LCP1: variants seen among roughly 807,000 people sequenced by gnomAD.
The protein encoded by LCP1 is lymphocyte cytosolic protein 1.
Under a neutral mutation model 72.0 loss-of-function variants are expected in LCP1, and 23 were observed. That is an observed-to-expected ratio of 0.32 (90% CI 0.23 to 0.45). The LOEUF (loss-of-function observed/expected upper bound fraction) is 0.45, where lower values mean the gene tolerates loss of function less well. Among genes scored for constraint, LCP1 ranks in the 20% least tolerant of loss-of-function variants. The pLI, the probability that LCP1 is intolerant of heterozygous loss-of-function variation, is 1.00. For missense variants in LCP1, 571 were observed against 748.3 expected (o/e 0.76, Z 2.76); for synonymous variants, 245 against 275.4 (o/e 0.89, Z 1.09).
intron 1 of LCP1, among the ~76,000 whole-genome samples, chr13:46,170,560 C>T (rs540334720): frequency 4.8e-4 from 73 of 152,276 alleles, no homozygotes; most frequent in Non-Finnish European, 5.6e-4. Flanking sequence ...GAATGAGGGG[C>T]AAACCCACCT....
chr13:46,138,271 C>T (rs2045676640), intron 13 of LCP1, among the ~76,000 whole-genome samples: 1 of 152,146 alleles, frequency 6.6e-6, no homozygotes, highest in South Asian at 2.1e-4. Context: ...CAAATTAGCA[C>T]ATCAGCACAA....
intron 5 of LCP1, 115 bp from the exon 6 acceptor site, chr13:46,155,001 G>A: frequency 1.3e-6 from 1 of 769,560 alleles, no homozygotes; most frequent in Non-Finnish European, 2.2e-6. Context: ...CAGAATCTGT[G>A]ATGTTTAGAT....
At chr13:46,137,787 C>CA (rs1320772092) in intron 13 of LCP1, among the ~76,000 whole-genome samples, 2 of 152,156 alleles carry the variant, frequency 1.3e-5, no homozygotes, top group African/African-American at 4.8e-5. Flanking sequence ...AGCTCTTTGT[C>CA]AAAATGAAAC....
intron 1 of LCP1, among the ~76,000 whole-genome samples, chr13:46,163,050 G>A (rs1419502366): frequency 1.4e-5 from 2 of 145,784 alleles, no homozygotes; most frequent in Non-Finnish European, 1.5e-5. Context: ...CCCCGTCCGG[G>A]AGGGAGGTGG....
intron 1 of LCP1, among the ~76,000 whole-genome samples, chr13:46,171,824 A>G (rs1255853767): frequency 6.6e-6 from 1 of 152,290 alleles, no homozygotes; most frequent in East Asian, 1.9e-4. Context: ...TGTGCGTCCA[A>G]TTATACGCAA....
At chr13:46,143,927 A>T (rs1028080016) in intron 11 of LCP1, among the ~76,000 whole-genome samples, 2 of 152,150 alleles carry the variant, frequency 1.3e-5, no homozygotes, top group Non-Finnish European at 2.9e-5. Context: ...TTAGCCAGGC[A>T]TGGTGGCAGG....
intron 8 of LCP1, among the ~76,000 whole-genome samples, chr13:46,149,350 C>A (rs747729125): frequency 3.9e-5 from 6 of 152,128 alleles, no homozygotes; most frequent in Non-Finnish European, 8.8e-5. Flanking sequence ...GGAAAATGAT[C>A]TTCATCTCCC....
At chr13:46,136,464 G>A (rs1037877474) in intron 13 of LCP1, among the ~76,000 whole-genome samples, 19 of 152,150 alleles carry the variant, frequency 1.2e-4, no homozygotes, top group African/African-American at 4.3e-4. Flanking sequence ...ACAGAGAGGC[G>A]GGTGAAATAA....
intron 1 of LCP1, among the ~76,000 whole-genome samples, chr13:46,178,914 G>C (rs1255279291): frequency 6.6e-6 from 1 of 152,152 alleles, no homozygotes; most frequent in African/African-American, 2.4e-5. Context: ...GATTTTAAAA[G>C]TTGCTTGCCA....
chr13:46,149,523 C>T (rs2045750442), intron 8 of LCP1, among the ~76,000 whole-genome samples: 1 of 152,214 alleles, frequency 6.6e-6, no homozygotes, highest in Non-Finnish European at 1.5e-5. Context: ...TGAACCTTCT[C>T]ACTCACTCTA....
At chr13:46,146,796 G>T (rs987234707) in intron 10 of LCP1, 112 bp downstream of exon 10, 3 of 1,023,770 alleles carry the variant, frequency 2.9e-6, no homozygotes, top group Non-Finnish European at 4.6e-6. Flanking sequence ...AGAATTAATG[G>T]CCTGTTTGCA....
chr13:46,153,626 A>G (rs2045782824), intron 6 of LCP1, among the ~76,000 whole-genome samples: 1 of 150,954 alleles, frequency 6.6e-6, no homozygotes, highest in African/African-American at 2.4e-5. Context: ...TCTTGAACCC[A>G]GGAGGCAGAG....
chr13:46,132,795 T>A (rs576435118), intron 14 of LCP1, among the ~76,000 whole-genome samples: 3 of 152,050 alleles, frequency 2.0e-5, no homozygotes, highest in Non-Finnish European at 4.4e-5. Context: ...TCACAGCAGG[T>A]GGACACTCCT....
chr13:46,128,491 A>G lies in LCP1; in HGVS notation c.1752-768T>C, dbSNP rs568113088. Reference sequence around the variant, plus strand: ...CGTGCGCCTGTAGTCCCAGCTACTCAGGAGGCTGAGGCAGGAGAATCGCTT... The same window carrying G: ...CGTGCGCCTGTAGTCCCAGCTACTCGGGAGGCTGAGGCAGGAGAATCGCTT... On this transcript the variant is annotated intron_variant, in intron 15 of 15. Coordinates refer to ENST00000323076, the MANE Select transcript of LCP1 (RefSeq NM_002298.5). Among the ~76,000 whole-genome samples, 34 of 152,100 alleles carry G rather than the reference A, an allele frequency of 2.2e-4. No homozygotes were observed. The South Asian group carries it at 6.0e-3, about 27-fold the overall frequency.
intron 5 of LCP1, among the ~76,000 whole-genome samples, 162 bp from the exon 6 acceptor site, chr13:46,155,048 A>C (rs192380256): frequency 6.6e-6 from 1 of 152,234 alleles, no homozygotes; most frequent in East Asian, 1.9e-4. Context: ...GACTCAAACT[A>C]TCTGCGGGAA....
At chr13:46,128,442 CA>C (rs1314963080) in intron 15 of LCP1, among the ~76,000 whole-genome samples, 55 of 152,096 alleles carry the variant, frequency 3.6e-4, no homozygotes, top group Admixed American at 8.5e-4. Context: ...ACTAAAAATA[CA>C]AAAAATTAGC....
intron 13 of LCP1, among the ~76,000 whole-genome samples, chr13:46,134,796 T>A (rs111300216): frequency 0.013 from 1,977 of 152,234 alleles, 46 homozygotes; most frequent in African/African-American, 0.046. Flanking sequence ...GGACATTTAT[T>A]AAGAAGAGGC....
chr13:46,135,881 T>C (rs1444594868), intron 13 of LCP1, among the ~76,000 whole-genome samples: 1 of 151,928 alleles, frequency 6.6e-6, no homozygotes, highest in Non-Finnish European at 1.5e-5. Flanking sequence ...GCCTCCCTAG[T>C]ACGGGATGGA....
chr13:46,161,845 A>G (rs151220351), intron 1 of LCP1, among the ~76,000 whole-genome samples: 2 of 152,336 alleles, frequency 1.3e-5, no homozygotes, highest in East Asian at 3.9e-4. Flanking sequence ...AGCTAAGGCA[A>G]AAAGGAAAGT....
Sources: allele counts gnomAD v4.1 joint callset (sites outside exome capture counted in the v4.1 genomes callset), GRCh38; gene constraint gnomAD v4.1.1; transcripts MANE v1.5; gene names NCBI Gene and HGNC (gene_info 2026-07-23, HGNC 2026-07-21).